TENM3: variants seen among roughly 807,000 people sequenced by gnomAD.
TENM3 encodes the protein teneurin-3.
TENM3 carries 63 observed loss-of-function variants against 255.1 expected under a neutral mutation model. The observed-to-expected ratio is 0.25, with a 90% CI of 0.20 to 0.30. The LOEUF is 0.30. Ranked by LOEUF, TENM3 falls within the 10% of genes least tolerant of loss-of-function variation. TENM3 has a pLI of 1.00. For missense variants in TENM3, 2,929 were observed against 3,461.1 expected, an observed-to-expected ratio of 0.85 and a Z score of 3.86; for synonymous variants, 1,306 against 1,322.3, an observed-to-expected ratio of 0.99 and a Z score of 0.27.
intron 3 of TENM3, among the ~76,000 whole-genome samples, chr4:182,526,406 G>A (rs1437737040): frequency 6.6e-6 from 1 of 152,064 alleles, no homozygotes; most frequent in Non-Finnish European, 1.5e-5. Flanking sequence ...TAGTCTAATC[G>A]TATGACATTC....
chr4:182,280,900 C>T lies in TENM3; in HGVS notation c.-76+37424C>T, dbSNP rs1472375540. Among the ~76,000 whole-genome samples, 3 of 152,282 alleles carry T rather than the reference C, an allele frequency of 2.0e-5. No homozygotes were observed. The South Asian group carries it at 6.2e-4, about 32-fold the overall frequency. On this transcript the variant is annotated intron_variant, in intron 1 of 27. Coordinates refer to ENST00000511685, the MANE Select transcript of TENM3 (RefSeq NM_001080477.4). ...GCCTCTAAGTTACCAGCAGCAAATCCCCTAAGGAGCCTCGAGAAGCAGAGT... is the reference window on the plus strand; with the variant it reads ...GCCTCTAAGTTACCAGCAGCAAATCTCCTAAGGAGCCTCGAGAAGCAGAGT...
chr4:182,691,991 T>TA (rs79343827), intron 12 of TENM3, among the ~76,000 whole-genome samples: 3 of 144,122 alleles, frequency 2.1e-5, no homozygotes, highest in Admixed American at 6.9e-5. Flanking sequence ...CTGTTTTTCA[T>TA]GGGTAGGAAA....
chr4:182,215,885 T>C (rs2149924525), intron 1 of TENM3, among the ~76,000 whole-genome samples: 1 of 152,314 alleles, frequency 6.6e-6, no homozygotes, highest in African/African-American at 2.4e-5. Flanking sequence ...GACTCCCCTA[T>C]GAAAACTCGC....
At chr4:182,387,658 C>G (rs917853129) in intron 3 of TENM3, among the ~76,000 whole-genome samples, 11 of 152,022 alleles carry the variant, frequency 7.2e-5, no homozygotes, top group Non-Finnish European at 1.5e-5. Context: ...ACGAGCCCAC[C>G]GGGAGGAAAG....
chr4:181,452,958 G>T, the TENM3 span, among the ~76,000 whole-genome samples: 8 of 152,098 alleles, frequency 5.3e-5, no homozygotes, highest in Non-Finnish European at 8.8e-5. Flanking sequence ...AATAATCATG[G>T]CATTCAACAA....
chr4:181,448,451 G>A, the TENM3 span, among the ~76,000 whole-genome samples: 1 of 152,018 alleles, frequency 6.6e-6, no homozygotes, highest in Non-Finnish European at 1.5e-5. Flanking sequence ...GATTACAGGC[G>A]TGAGCCACCG....
chr4:182,682,066 A>C, intron 11 of TENM3, 52 bp downstream of exon 11: 3 of 1,472,680 alleles, frequency 2.0e-6, no homozygotes, highest in Non-Finnish European at 2.8e-6. Context: ...GTTTGGCTAA[A>C]GATGATATTT....
chr4:181,885,026 A>G, the TENM3 span, among the ~76,000 whole-genome samples: 5 of 152,094 alleles, frequency 3.3e-5, no homozygotes, highest in South Asian at 2.1e-4. Flanking sequence ...CTTGGTCTCA[A>G]AGGGGCGTCA....
chr4:182,715,769 A>C (rs1759110483), intron 13 of TENM3, among the ~76,000 whole-genome samples: 1 of 152,138 alleles, frequency 6.6e-6, no homozygotes, highest in South Asian at 2.1e-4. Context: ...ACACACACAC[A>C]CAGAGACACA....
At chr4:182,314,343 T>C (rs1762629449) in intron 1 of TENM3, among the ~76,000 whole-genome samples, 1 of 151,694 alleles carries the variant, frequency 6.6e-6, no homozygotes, top group Non-Finnish European at 1.5e-5. Flanking sequence ...TGTGTATTCC[T>C]GCATTCCCAT....
intron 22 of TENM3, among the ~76,000 whole-genome samples, chr4:182,764,363 CCTG>C (rs1325357902): frequency 6.6e-6 from 1 of 152,164 alleles, no homozygotes; most frequent in Non-Finnish European, 1.5e-5. Flanking sequence ...TGACACATTC[CCTG>C]CTCTCAAGGA....
chr4:182,023,168 CATTT>C, the TENM3 span, among the ~76,000 whole-genome samples: 21 of 152,112 alleles, frequency 1.4e-4, no homozygotes, highest in African/African-American at 4.8e-4. Flanking sequence ...TCTTGGCTTC[CATTT>C]ATTTAAGAAA....
chr4:182,015,244 C>T, the TENM3 span, among the ~76,000 whole-genome samples: 6 of 152,182 alleles, frequency 3.9e-5, no homozygotes, highest in Non-Finnish European at 2.9e-5. Context: ...AGCTGCCTGC[C>T]CTGCTCCCAC....
intron 12 of TENM3, among the ~76,000 whole-genome samples, chr4:182,691,899 T>C (rs188172206): frequency 2.6e-5 from 4 of 152,320 alleles, no homozygotes; most frequent in Non-Finnish European, 5.9e-5. Context: ...AGCACCGATA[T>C]AGATGCTCCA....
At chr4:182,449,724 T>C (rs981531664) in intron 3 of TENM3, among the ~76,000 whole-genome samples, 8 of 152,250 alleles carry the variant, frequency 5.3e-5, no homozygotes, top group Admixed American at 2.6e-4. Flanking sequence ...AAGAGCAGTC[T>C]TTTGCCTGCG....
the TENM3 span, among the ~76,000 whole-genome samples, chr4:181,786,801 T>A: frequency 6.6e-6 from 1 of 151,938 alleles, no homozygotes; most frequent in African/African-American, 2.4e-5. Context: ...TGGTCAGGGA[T>A]CTTGATCCTG....
At chr4:182,376,194 G>T (rs369564024) in intron 3 of TENM3, among the ~76,000 whole-genome samples, 3 of 152,148 alleles carry the variant, frequency 2.0e-5, no homozygotes, top group East Asian at 3.9e-4. Context: ...AATCAATATT[G>T]TAGAATACTG....
the TENM3 span, among the ~76,000 whole-genome samples, chr4:181,755,004 T>A: frequency 6.6e-6 from 1 of 152,156 alleles, no homozygotes; most frequent in Non-Finnish European, 1.5e-5. Context: ...ACATGAGGGT[T>A]TGCTGGTTGC....
intron 3 of TENM3, 60 bp from the exon 4 acceptor site, chr4:182,600,864 T>C (rs571698038): frequency 1.2e-6 from 1 of 853,110 alleles, no homozygotes; most frequent in African/African-American, 2.1e-5. Flanking sequence ...GTAGTGTGTA[T>C]ATACATATAT....
Sources: allele counts gnomAD v4.1 joint callset (sites outside exome capture counted in the v4.1 genomes callset), GRCh38; gene constraint gnomAD v4.1.1; transcripts MANE v1.5; gene names NCBI Gene and HGNC (gene_info 2026-07-23, HGNC 2026-07-21).